The following BNIP3 variants were observed in gnomAD, a reference collection of about 807,000 sequenced individuals.
BNIP3 encodes the protein BCL2/adenovirus E1B 19 kDa protein-interacting protein 3.
In BNIP3, 16 loss-of-function variants were observed where a neutral mutation model predicts 23.9. The ratio of observed to expected loss-of-function variants is 0.67; its 90% CI spans 0.45 to 1.01. BNIP3 has a LOEUF of 1.01. Among genes scored for constraint, BNIP3 ranks in the 50% least tolerant of loss-of-function variants. The probability of loss-of-function intolerance (pLI) is 0.00; values close to 1 mark genes in which losing one functional copy is unlikely to be tolerated. For synonymous variants in BNIP3, 81 were observed against 89.3 expected (o/e 0.91, Z 0.53); for missense variants, 198 against 248.7 (o/e 0.80, Z 1.37).
Position 131,973,859 on chromosome 10 carries a change from TC to T in BNIP3, c.130del (p.Glu44LysfsTer67). The T allele has an allele frequency of 6.2e-7, 1 of 1,612,962 alleles. No homozygotes were observed. Among genetic ancestry groups the T allele is most frequent in the Non-Finnish European group, 8.5e-7 (1 of 1,180,038 alleles). On this transcript the variant is annotated frameshift_variant, in exon 2 of 6. Coordinates refer to ENST00000368636, the MANE Select transcript of BNIP3 (RefSeq NM_004052.4). LOFTEE classifies it high-confidence loss of function. The stretch of plus-strand genomic sequence containing the variant: ...ATGCTGTGCGTCCAGCAGTATTTTT[TC>T]CATGTCTCCATTATAAATAGAAACC... ...ASVSIYNGDM[E>X]KILLDAQHES...
intron 1 of BNIP3, 90 bp from the exon 2 acceptor site, chr10:131,974,033 C>G: frequency 6.5e-7 from 1 of 1,534,890 alleles, no homozygotes; most frequent in Non-Finnish European, 8.9e-7. Flanking sequence ...CCTTCCATTT[C>G]CAAGAGGTAG....
Position 131,970,487 on chromosome 10 carries a change from A to G in BNIP3, c.539+151T>C, listed in dbSNP as rs1172096995. 6.0e-6 allele frequency: 7 copies of G among 1,173,896 alleles called. No homozygotes were observed. The highest frequency in any genetic ancestry group is 8.2e-6 in the Non-Finnish European group (7 of 855,592). 72.7% of individuals were successfully genotyped at this position (1,173,896 alleles called of 1,614,324 possible). On this transcript the variant is annotated intron_variant, in intron 5 of 5. Coordinates refer to ENST00000368636, the MANE Select transcript of BNIP3 (RefSeq NM_004052.4). This position sits in a 1 kb window ranked among gnomAD's most constrained non-coding sequence, Gnocchi z 4.1. ...GGGGCTGCAGGCTGGTGGTTTCTGG[A>G]CCTGAACAGTGACTACGTGGGTGTT...
At chr10:131,973,005 T>C (rs747298198) in intron 3 of BNIP3, 29 bp downstream of exon 3, 4 of 1,592,568 alleles carry the variant, frequency 2.5e-6, no homozygotes, top group South Asian at 1.1e-5. Context: ...CAAATACTTT[T>C]ACAACTGCAC....
At chr10:131,981,726 C>A in intron 1 of BNIP3, 35 bp downstream of exon 1, 2 of 1,461,148 alleles carry the variant, frequency 1.4e-6, no homozygotes, top group Non-Finnish European at 1.8e-6. Context: ...CCCCCCCGCG[C>A]CCCCTCGGCT....
At chr10:131,978,198 T>C (rs972334953) in intron 1 of BNIP3, among the ~76,000 whole-genome samples, 12 of 152,050 alleles carry the variant, frequency 7.9e-5, no homozygotes, top group Non-Finnish European at 1.3e-4. Flanking sequence ...ATAATTTACA[T>C]TGCTAACAAG....
At chr10:131,973,541 G>A in intron 2 of BNIP3, 1 of 544,366 alleles carries the variant, frequency 1.8e-6, no homozygotes, top group Non-Finnish European at 3.2e-6. Context: ...CTCAGAGTGG[G>A]GTTTGTGGCT....
Position 131,973,871 on chromosome 10 carries a change from T to C in BNIP3, c.119A>G (p.Asn40Ser). The change falls in exon 2 of 6, where the codon AAT (asparagine) becomes AGT (serine). Residue 40 changes from asparagine (N) to serine (S), a missense_variant. Coordinates refer to ENST00000368636, the MANE Select transcript of BNIP3 (RefSeq NM_004052.4). ...CAGCAGTATTTTTTCCATGTCTCCA[T>C]TATAAATAGAAACCGAGGCTGGAAC... is the stretch of plus-strand genomic sequence containing the variant. ...GSVPASVSIY[N>S]GDMEKILLDA... The C allele has an allele frequency of 6.2e-7, 1 of 1,613,210 alleles. No individual in the cohort carries two copies. Among genetic ancestry groups the C allele is most frequent in the Non-Finnish European group, 8.5e-7 (1 of 1,180,042 alleles).
rs1453944969 is a variant in BNIP3, at chr10:131,973,773, A to G, written c.197+20T>C. ...AAGACATCGGCACTGTAACACATAC[A>G]CTTGTTGATGCGCGCCTACCTGTCA... On this transcript the variant is annotated intron_variant, in intron 2 of 5. Coordinates refer to ENST00000368636, the MANE Select transcript of BNIP3 (RefSeq NM_004052.4). The G allele has an allele frequency of 6.2e-7, 1 of 1,611,424 alleles. No individual in the cohort carries two copies. Among genetic ancestry groups the G allele is most frequent in the Admixed American group, 1.7e-5 (1 of 59,988 alleles).
intron 1 of BNIP3, chr10:131,980,837 G>C (rs547059287): frequency 2.0e-5 from 3 of 152,314 alleles, no homozygotes; most frequent in Admixed American, 6.5e-5. Context: ...TGGCTTCAAA[G>C]AACACAAAGG....
chr10:131,968,602 C>G (rs531422341), intron 5 of BNIP3, 33 bp from the exon 6 acceptor site: 1 of 1,551,388 alleles, frequency 6.4e-7, no homozygotes, highest in East Asian at 2.2e-5. Context: ...GTTAATGTAT[C>G]TTGTGATTCA....
chr10:131,973,415 G>A, intron 2 of BNIP3: 1 of 470,182 alleles, frequency 2.1e-6, no homozygotes, highest in Admixed American at 3.5e-5. Flanking sequence ...AGCTCTCAAG[G>A]GCACGCGACC....
chr10:131,976,805 T>C lies in BNIP3; in HGVS notation c.47-2862A>G, dbSNP rs2037080715. The stretch of plus-strand genomic sequence containing the variant: ...CTGGGGCCACCCTTGAGCCACTGTA[T>C]TAGCAGTGTATTCTGAAGGGGCTCC... On this transcript the variant is annotated intron_variant, in intron 1 of 5. Transcript: ENST00000368636. This position sits in a 1 kb window ranked among gnomAD's most constrained non-coding sequence, Gnocchi z 4.3. Among the ~76,000 whole-genome samples the C allele has an allele frequency of 1.3e-5, 2 of 152,208 alleles. No individual in the cohort carries two copies. Among genetic ancestry groups the C allele is most frequent in the Middle Eastern group, 3.4e-3 (1 of 294 alleles).
chr10:131,981,360 G>C, intron 1 of BNIP3: 1 of 270,850 alleles, frequency 3.7e-6, no homozygotes, highest in Non-Finnish European at 6.9e-6. Context: ...CTTGGTGTTT[G>C]GTCATTAAAA....
chr10:131,981,438 G>T, intron 1 of BNIP3: 1 of 392,830 alleles, frequency 2.5e-6, no homozygotes, highest in Non-Finnish European at 4.5e-6. Context: ...GTCCAACTGC[G>T]AGACGCAGAT....
In BNIP3 at chr10:131,981,818, G is replaced by A. The variant is rs925561866; in HGVS notation, c.-12C>T. 26 of 1,460,984 alleles carry A rather than the reference G, an allele frequency of 1.8e-5. No homozygotes were observed. Among genetic ancestry groups the A allele is most frequent in the Non-Finnish European group, 2.3e-5 (26 of 1,111,628 alleles). 90.5% of individuals were successfully genotyped at this position (1,460,984 alleles called of 1,614,324 possible). A position where few individuals can be genotyped will look rare whatever the true frequency, so the allele number is the denominator to read the frequency against. ...CCGTTCTGCGACATGGCGCCAGAGG[G>A]CAACTGCGGCGATCGGAGTCCGCGC... is the stretch of plus-strand genomic sequence containing the variant. On this transcript the variant is annotated 5_prime_UTR_variant, in exon 1 of 6. Transcript: ENST00000368636.
In BNIP3 at chr10:131,970,841, C is replaced by T. The variant is rs1399532569; in HGVS notation, c.389+23G>A. 1.9e-6 allele frequency: 3 copies of T among 1,614,226 alleles called. No homozygotes were observed. Among genetic ancestry groups the T allele is most frequent in the South Asian group, 2.2e-5 (2 of 91,082 alleles). ...TGTGTCCTCTGTCAAGGGGTGCCCC[C>T]GTGACACTGAGAACACACTCACTTG... is the stretch of plus-strand genomic sequence containing the variant. On this transcript the variant is annotated intron_variant, in intron 4 of 5. Transcript: ENST00000368636. The surrounding 1 kb of genome is among the most constrained non-coding windows in gnomAD (Gnocchi z 4.1).
chr10:131,977,233 C>T (rs2037084849), intron 1 of BNIP3, among the ~76,000 whole-genome samples: 1 of 152,064 alleles, frequency 6.6e-6, no homozygotes, highest in Admixed American at 6.5e-5. Context: ...CATGCCACTG[C>T]CCCCCAGCCT....
chr10:131,980,453 TG>T (rs1163877222), intron 1 of BNIP3: 1 of 152,026 alleles, frequency 6.6e-6, no homozygotes, highest in Non-Finnish European at 1.5e-5. Context: ...TTAAAGAATA[TG>T]GTTTTAGGCC....
chr10:131,973,194 G>A lies in BNIP3; in HGVS notation c.198-76C>T, dbSNP rs545566504. On this transcript the variant is annotated intron_variant, in intron 2 of 5. Coordinates refer to ENST00000368636, the MANE Select transcript of BNIP3 (RefSeq NM_004052.4). ...ATCATTAGAAGCTCAAACCCCAAAG[G>A]CAGTGAACCGCCTCCGTGATGAGGG... 95 of 1,449,488 alleles carry A rather than the reference G, an allele frequency of 6.6e-5. 1 individual carries two copies. In the Admixed American group the frequency reaches 1.6e-3, roughly 24 times the overall value. 89.8% of individuals were successfully genotyped at this position (1,449,488 alleles called of 1,614,324 possible).
Sources: gnomAD v4.1 joint callset for allele counts (sites outside exome capture counted in the v4.1 genomes callset) on GRCh38, gnomAD v4.1.1 for gene constraint, Gnocchi (gnomAD v3.1) non-coding constraint, MANE v1.5 for transcripts, NCBI Gene and HGNC (gene_info 2026-07-23, HGNC 2026-07-21) for gene names.